RIN3: variants seen among roughly 807,000 people sequenced by gnomAD.
RIN3 encodes RAB5 interacting protein 3.
RIN3 carries 54 observed loss-of-function variants against 76.3 expected under a neutral mutation model. The ratio of observed to expected loss-of-function variants is 0.71; its 90% CI spans 0.57 to 0.89. The LOEUF (loss-of-function observed/expected upper bound fraction) is 0.89, where lower values mean the gene tolerates loss of function less well. Ranked by LOEUF, RIN3 falls within the 40% of genes least tolerant of loss-of-function variation. RIN3 has a pLI of 0.00. For missense variants in RIN3, 1,256 were observed against 1,322.1 expected, an observed-to-expected ratio of 0.95 and a Z score of 0.78; for synonymous variants, 576 against 564.0, an observed-to-expected ratio of 1.02 and a Z score of -0.30.
chr14:92,636,696 C>G (rs750076311), intron 4 of RIN3, among the ~76,000 whole-genome samples: 3 of 152,146 alleles, frequency 2.0e-5, no homozygotes, highest in African/African-American at 7.2e-5. Flanking sequence ...CTTTACTGTT[C>G]AGTAGAGAAA....
At chr14:92,537,809 G>A (rs1395706359) in intron 1 of RIN3, among the ~76,000 whole-genome samples, 6 of 147,128 alleles carry the variant, frequency 4.1e-5, no homozygotes, top group South Asian at 2.2e-4. Flanking sequence ...ACGCCACCAC[G>A]CCTGGCTAAT....
intron 5 of RIN3, among the ~76,000 whole-genome samples, chr14:92,647,025 A>T (rs1249719073): frequency 6.6e-6 from 1 of 152,202 alleles, no homozygotes; most frequent in Non-Finnish European, 1.5e-5. Context: ...AGTTACAGGA[A>T]GTTCATGAGG....
intron 3 of RIN3, among the ~76,000 whole-genome samples, chr14:92,585,734 G>A (rs1026948741): frequency 6.6e-5 from 10 of 152,130 alleles, no homozygotes; most frequent in African/African-American, 7.2e-5. Context: ...GGGCTCAAGC[G>A]ATCCTCCCCA....
intron 1 of RIN3, among the ~76,000 whole-genome samples, chr14:92,522,904 C>T (rs1262548089): frequency 1.3e-5 from 2 of 152,192 alleles, no homozygotes; most frequent in Non-Finnish European, 2.9e-5. Context: ...CTCTCCTTTC[C>T]TCTCTCCTGT....
chr14:92,569,740 C>G (rs543101721), intron 2 of RIN3, among the ~76,000 whole-genome samples: 1 of 152,068 alleles, frequency 6.6e-6, no homozygotes, highest in African/African-American at 2.4e-5. Flanking sequence ...AGCCAGCAAC[C>G]AGGATGTTTC....
In RIN3 at chr14:92,514,013, C is replaced by T. The variant is rs960487442; in HGVS notation, c.44+37C>T. 97 of 1,213,642 alleles carry T rather than the reference C, an allele frequency of 8.0e-5. No individual in the cohort carries two copies. In the African/African-American group the frequency reaches 1.4e-3, roughly 17 times the overall value. 75.2% of individuals were successfully genotyped at this position (1,213,642 alleles called of 1,614,324 possible). On this transcript the variant is annotated intron_variant, in intron 1 of 9. Transcript: ENST00000216487. The surrounding 1 kb of genome is among the most constrained non-coding windows in gnomAD (Gnocchi z 7.2). Reference sequence around the variant, plus strand: ...CGGCCGCCCCCTCCTCCCTCGCGATCCCCACGGCCCGCGTCCTGGCCGCCC... The same window carrying T: ...CGGCCGCCCCCTCCTCCCTCGCGATTCCCACGGCCCGCGTCCTGGCCGCCC...
chr14:92,561,761 T>G (rs76129680), intron 2 of RIN3, among the ~76,000 whole-genome samples: 1,840 of 152,310 alleles, frequency 0.012, 35 homozygotes, highest in African/African-American at 0.043. Flanking sequence ...CATGGCTCAC[T>G]GCAGCCTACC....
intron 4 of RIN3, among the ~76,000 whole-genome samples, chr14:92,637,089 T>A (rs1009516360): frequency 1.3e-5 from 2 of 151,796 alleles, no homozygotes; most frequent in Non-Finnish European, 2.9e-5. Flanking sequence ...GTGGGGATGG[T>A]TTCGGGATGA....
At chr14:92,535,120 CT>C (rs1303479424) in intron 1 of RIN3, among the ~76,000 whole-genome samples, 1 of 152,198 alleles carries the variant, frequency 6.6e-6, no homozygotes, top group Non-Finnish European at 1.5e-5. Flanking sequence ...GATCCTCACG[CT>C]GTTGAGAATC....
rs985355301 is a variant in RIN3 at position 92,653,225 on chromosome 14, C to T, written c.2026+150C>T. 5 of 839,194 alleles carry T rather than the reference C, an allele frequency of 6.0e-6. No individual in the cohort carries two copies. In the South Asian group the frequency reaches 7.3e-5, roughly 12 times the overall value. 52.0% of individuals were successfully genotyped at this position (839,194 alleles called of 1,614,324 possible). A position where few individuals can be genotyped will look rare whatever the true frequency, so the allele number is the denominator to read the frequency against. ...GGGCACCAGGAACTTTCTCTGGCTG[C>T]TGCAAGGTAGGCTGCTAATGGTGCC... On this transcript the variant is annotated intron_variant, in intron 6 of 9. Coordinates refer to ENST00000216487, the MANE Select transcript of RIN3 (RefSeq NM_024832.5).
At chr14:92,626,599 G>A (rs1317013948) in intron 4 of RIN3, among the ~76,000 whole-genome samples, 1 of 152,184 alleles carries the variant, frequency 6.6e-6, no homozygotes, top group Non-Finnish European at 1.5e-5. Flanking sequence ...TTTAGGGAAG[G>A]ATACTTAGGC....
intron 1 of RIN3, chr14:92,515,614 G>T: frequency 7.2e-6 from 2 of 275,928 alleles, no homozygotes; most frequent in South Asian, 1.4e-4. Context: ...ATCATTTGTT[G>T]GGTATGATCC....
chr14:92,588,750 G>T (rs1322391456), intron 3 of RIN3, among the ~76,000 whole-genome samples: 2 of 152,136 alleles, frequency 1.3e-5, no homozygotes, highest in African/African-American at 2.4e-5. Flanking sequence ...GGTTGTGTCT[G>T]CCTCCCTCTC....
intron 3 of RIN3, among the ~76,000 whole-genome samples, chr14:92,609,807 T>A (rs1024957619): frequency 6.6e-6 from 1 of 151,386 alleles, no homozygotes; most frequent in Non-Finnish European, 1.5e-5. Flanking sequence ...TTATAAAAAA[T>A]CGCAGGAAAA....
At chr14:92,687,625 G>A (rs1888912586) in intron 9 of RIN3, 1 of 443,056 alleles carries the variant, frequency 2.3e-6, no homozygotes, top group East Asian at 4.4e-5. Context: ...ATGAATGAAT[G>A]AATGAATGAT....
chr14:92,607,971 G>T (rs941728511), intron 3 of RIN3, among the ~76,000 whole-genome samples: 2 of 152,234 alleles, frequency 1.3e-5, no homozygotes, highest in African/African-American at 2.4e-5. Flanking sequence ...GAAATAATGT[G>T]ATCATAGAGA....
intron 7 of RIN3, among the ~76,000 whole-genome samples, chr14:92,675,568 A>C (rs888920276): frequency 2.0e-5 from 3 of 152,234 alleles, no homozygotes; most frequent in Non-Finnish European, 4.4e-5. Context: ...GGAAGTGAGA[A>C]GGTGGGCTGG....
Position 92,656,797 on chromosome 14 carries a change from A to G in RIN3, c.2027-2364A>G, listed in dbSNP as rs11624035. Among the ~76,000 whole-genome samples, 22,429 of 152,240 alleles carry G rather than the reference A, an allele frequency of 0.15. 2,011 individuals carry two copies. The highest frequency in any genetic ancestry group is 0.28 in the East Asian group (1,458 of 5,170). On this transcript the variant is annotated intron_variant, in intron 6 of 9. Coordinates refer to ENST00000216487, the MANE Select transcript of RIN3 (RefSeq NM_024832.5). This position sits in a 1 kb window ranked among gnomAD's most constrained non-coding sequence, Gnocchi z 5.2. ...CTTTGGGAACAGGGTCAGCATCCAC[A>G]GCAATGGTGCCATTCCAGACACTGC...
chr14:92,561,153 A>ATATTTTTATATATATATT, intron 2 of RIN3, among the ~76,000 whole-genome samples: 2 of 127,064 alleles, frequency 1.6e-5, no homozygotes, highest in Admixed American at 1.9e-4. Context: ...ATTTTTATAT[A>ATATTTTTATATATATATT]TATATTTATA....
Sources: gnomAD v4.1 joint callset for allele counts (sites outside exome capture counted in the v4.1 genomes callset) on GRCh38, gnomAD v4.1.1 for gene constraint, Gnocchi (gnomAD v3.1) non-coding constraint, MANE v1.5 for transcripts, NCBI Gene and HGNC (gene_info 2026-07-23, HGNC 2026-07-21) for gene names.